The following HTT variants were observed in gnomAD, a reference collection of about 807,000 sequenced individuals.
HTT encodes huntington disease protein.
In HTT, 104 loss-of-function variants were observed where a neutral mutation model predicts 362.3. The ratio of observed to expected loss-of-function variants is 0.29; its 90% CI spans 0.24 to 0.34. The LOEUF is 0.34. HTT is among the 10% of genes least tolerant of loss of function. The pLI, the probability that HTT is intolerant of heterozygous loss-of-function variation, is 1.00. For missense variants in HTT, 3,301 were observed against 3,928.6 expected (o/e 0.84, Z 4.27); for synonymous variants, 1,577 against 1,548.7 (o/e 1.02, Z -0.43).
At chr4:3,096,003 G>A (rs1393918873) in intron 2 of HTT, among the ~76,000 whole-genome samples, 2 of 152,164 alleles carry the variant, frequency 1.3e-5, no homozygotes, top group African/African-American at 4.8e-5. Context: ...AAATATAAAG[G>A]CAAAAATAAC....
intron 2 of HTT, among the ~76,000 whole-genome samples, chr4:3,096,967 A>G (rs1013459694): frequency 6.6e-6 from 1 of 152,038 alleles, no homozygotes; most frequent in Non-Finnish European, 1.5e-5. Context: ...AAAAACAAAA[A>G]AATTAGCCAG....
chr4:3,130,362 G>A lies in HTT; in HGVS notation c.1925G>A (p.Ser642Asn). The A allele has an allele frequency of 6.2e-7, 1 of 1,609,626 alleles. No individual in the cohort carries two copies. Among genetic ancestry groups the A allele is most frequent in the Non-Finnish European group, 8.5e-7 (1 of 1,177,074 alleles). Residue 642 changes from serine to asparagine, a missense_variant, in exon 14 of 67, where the codon AGC becomes AAC. Transcript: ENST00000355072. ...AGTCACTGCAGGCAGCCTTCTGACAGCAGTGTTGATAAATTTGTGTTGAGA... is the reference window on the plus strand; with the variant it reads ...AGTCACTGCAGGCAGCCTTCTGACAACAGTGTTGATAAATTTGTGTTGAGA... ...NMSHCRQPSD[S>N]SVDKFVLRDE...
At position 3,130,039 on chromosome 4, in the gene HTT, C is replaced by T. The variant is rs1216301728; in HGVS notation, c.1859C>T (p.Ser620Phe). ...PDEASEAFRN[S>F]SMALQQAHLL... ...GAAGCCTCGGAGGCCTTCAGGAACT[C>T]TTCCATGGGTATGTGGACTACAGGT... Residue 620 changes from serine to phenylalanine, a missense_variant, in exon 13 of 67, where the codon TCT (serine) becomes TTT (phenylalanine). Transcript: ENST00000355072. The T allele has an allele frequency of 1.9e-6, 3 of 1,609,262 alleles. No individual in the cohort carries two copies. The highest frequency in any genetic ancestry group is 2.5e-6 in the Non-Finnish European group (3 of 1,177,700).
chr4:3,222,314 G>C (rs1720711002), intron 53 of HTT, 73 bp from the exon 54 acceptor site: 1 of 1,299,370 alleles, frequency 7.7e-7, no homozygotes, highest in Non-Finnish European at 1.1e-6. Context: ...GTGCTGTGTC[G>C]GCGTAGCTGT....
intron 21 of HTT, among the ~76,000 whole-genome samples, chr4:3,138,153 TCCCTTC>T (rs1179079623): frequency 7.5e-6 from 1 of 133,852 alleles, no homozygotes; most frequent in Non-Finnish European, 1.6e-5. Flanking sequence ...CCTTTCCCTT[TCCCTTC>T]CCCTTTTCCC....
chr4:3,206,438 A>T lies in HTT; in HGVS notation c.5719-58A>T. On this transcript the variant is annotated intron_variant, in intron 42 of 66. Coordinates refer to ENST00000355072, the MANE Select transcript of HTT (RefSeq NM_001388492.1). The surrounding 1 kb of genome is among the most constrained non-coding windows in gnomAD (Gnocchi z 4.6). ...CCCTTTCTGGCCTTTCTATGGCATT[A>T]ATACCTGGTCTCTTCTTGTGTACTT... The T allele has an allele frequency of 7.2e-7, 1 of 1,383,014 alleles. No homozygotes were observed. Among genetic ancestry groups the T allele is most frequent in the Non-Finnish European group, 1.0e-6 (1 of 973,952 alleles). 85.7% of individuals were successfully genotyped at this position (1,383,014 alleles called of 1,614,324 possible).
chr4:3,086,648 G>A (rs1713223995), intron 1 of HTT, among the ~76,000 whole-genome samples: 1 of 152,166 alleles, frequency 6.6e-6, no homozygotes, highest in Non-Finnish European at 1.5e-5. Flanking sequence ...TCCAGCCTGG[G>A]CAGCAGAGCA....
chr4:3,088,906 T>C (rs187481013), intron 2 of HTT, among the ~76,000 whole-genome samples: 1 of 152,346 alleles, frequency 6.6e-6, no homozygotes, highest in East Asian at 1.9e-4. Flanking sequence ...GGAAATGTTG[T>C]GGGAAGAAAA....
chr4:3,208,394 A>G (rs932040589), intron 45 of HTT, among the ~76,000 whole-genome samples: 2 of 152,256 alleles, frequency 1.3e-5, no homozygotes, highest in African/African-American at 4.8e-5. Flanking sequence ...GGGATATTTG[A>G]TAGTGGAATT....
At chr4:3,115,001 C>T (rs1000346009) in intron 6 of HTT, among the ~76,000 whole-genome samples, 13 of 152,048 alleles carry the variant, frequency 8.5e-5, no homozygotes, top group Non-Finnish European at 2.9e-5. Context: ...TTTTTTTTAA[C>T]TGTCCCCAAA....
rs1053757482 is a variant in HTT at position 3,110,687 on chromosome 4, G to C, written c.747+3264G>C. On this transcript the variant is annotated intron_variant, in intron 6 of 66. Coordinates refer to ENST00000355072, the MANE Select transcript of HTT (RefSeq NM_001388492.1). ...TTTCCCTCAGAAATGCAAAGTCTTT[G>C]CCCTGTTGTCTTAAAATCTCCAACG... 3.3e-5 allele frequency among the ~76,000 whole-genome samples: 5 copies of C among 152,206 alleles called. No homozygotes were observed. In the South Asian group the frequency reaches 6.2e-4, roughly 19 times the overall value.
intron 2 of HTT, among the ~76,000 whole-genome samples, chr4:3,089,793 T>A (rs1713406153): frequency 6.6e-6 from 1 of 152,248 alleles, no homozygotes; most frequent in Non-Finnish European, 1.5e-5. Flanking sequence ...GTAAAGTATG[T>A]TGAGACATCT....
At chr4:3,208,685 C>G in intron 45 of HTT, 88 bp from the exon 46 acceptor site, 1 of 1,276,490 alleles carries the variant, frequency 7.8e-7, no homozygotes, top group Non-Finnish European at 1.1e-6. Flanking sequence ...GTGTATATTT[C>G]TAGAATCCTA....
intron 9 of HTT, among the ~76,000 whole-genome samples, chr4:3,122,058 T>C (rs1715321280): frequency 6.6e-6 from 1 of 152,224 alleles, no homozygotes; most frequent in African/African-American, 2.4e-5. Context: ...AGAAATGGCA[T>C]CTTCAAGTCG....
intron 37 of HTT, 96 bp from the exon 38 acceptor site, chr4:3,186,501 T>C: frequency 7.4e-7 from 1 of 1,352,120 alleles, no homozygotes; most frequent in South Asian, 1.3e-5. Flanking sequence ...GATGAGATGA[T>C]TATGATGATT....
intron 20 of HTT, 35 bp downstream of exon 20, chr4:3,136,002 C>T (rs756956794): frequency 6.8e-7 from 1 of 1,465,802 alleles, no homozygotes; most frequent in Non-Finnish European, 9.3e-7. Context: ...GCTGTTTTAC[C>T]TTCAAGAAGG....
At chr4:3,143,743 A>G (rs1235161411) in intron 23 of HTT, among the ~76,000 whole-genome samples, 1 of 151,736 alleles carries the variant, frequency 6.6e-6, no homozygotes, top group Non-Finnish European at 1.5e-5. Flanking sequence ...AGCTGGGATT[A>G]CAGGCATGCA....
In HTT at chr4:3,222,461, A is replaced by T. The variant is rs369228257; in HGVS notation, c.7444A>T (p.Met2482Leu). 2.2e-5 allele frequency: 35 copies of T among 1,614,104 alleles called. No individual in the cohort carries two copies. In the African/African-American group the frequency reaches 2.9e-4, roughly 14 times the overall value. The change falls in exon 54 of 67, where the codon ATG (methionine) becomes TTG (leucine). Residue 2482 changes from methionine (M) to leucine (L), a missense_variant. Physicochemically the swap from Met to Leu is conservative, Grantham distance 15. Transcript: ENST00000355072. Reference protein sequence around the residue: ...LGVLVTQPLVMEQEESPPEED... With the variant: ...LGVLVTQPLVLEQEESPPEED... ...TGTCCTGGTGACGCAGCCCCTCGTG[A>T]TGGAGCAGGAGGAGAGCCCACCAGA... is the stretch of plus-strand genomic sequence containing the variant.
chr4:3,148,473 G>A (rs966638891), intron 26 of HTT, among the ~76,000 whole-genome samples: 1 of 151,990 alleles, frequency 6.6e-6, no homozygotes, highest in Admixed American at 6.6e-5. Context: ...GCAACATCAC[G>A]AAACCCCCTC....
Sources: allele counts gnomAD v4.1 joint callset (sites outside exome capture counted in the v4.1 genomes callset), GRCh38; gene constraint gnomAD v4.1.1; non-coding constraint Gnocchi (gnomAD v3.1); transcripts MANE v1.5; gene names NCBI Gene and HGNC (gene_info 2026-07-23, HGNC 2026-07-21).